The following CDK12 variants were observed in gnomAD, a reference collection of about 807,000 sequenced individuals.
CDK12 encodes the protein cyclin-dependent kinase 12.
A neutral mutation model predicts 133.8 loss-of-function variants in CDK12; 17 were observed. The observed-to-expected ratio is 0.13, with a 90% CI of 0.09 to 0.19. The LOEUF (loss-of-function observed/expected upper bound fraction) is 0.19, where lower values mean the gene tolerates loss of function less well. CDK12 is among the 10% of genes least tolerant of loss of function. CDK12 has a pLI of 1.00. For missense variants in CDK12, 1,508 were observed against 1,818.7 expected, an observed-to-expected ratio of 0.83 and a Z score of 3.11; for synonymous variants, 694 against 683.6, an observed-to-expected ratio of 1.02 and a Z score of -0.24.
intron 2 of CDK12, among the ~76,000 whole-genome samples, chr17:39,477,457 C>T (rs1284424385): frequency 5.3e-5 from 8 of 151,532 alleles, no homozygotes; most frequent in South Asian, 2.1e-4. Context: ...AGGCTGGTCT[C>T]GAACTCCTGA....
chr17:39,494,447 C>A, intron 4 of CDK12, 77 bp from the exon 5 acceptor site: 1 of 1,210,090 alleles, frequency 8.3e-7, no homozygotes, highest in Non-Finnish European at 1.2e-6. Context: ...TCTTCCAGAG[C>A]AAGGGCATAT....
intron 3 of CDK12, among the ~76,000 whole-genome samples, chr17:39,491,963 C>T (rs2051645666): frequency 6.9e-6 from 1 of 144,172 alleles, no homozygotes; most frequent in Admixed American, 7.1e-5. Context: ...CACATCTCTA[C>T]TGAAAATACA....
At chr17:39,521,782 A>G (rs2054187575) in intron 11 of CDK12, among the ~76,000 whole-genome samples, 1 of 151,730 alleles carries the variant, frequency 6.6e-6, no homozygotes, top group South Asian at 2.1e-4. Context: ...AGGTGGTCTC[A>G]AACTCCTGAC....
chr17:39,511,077 T>C (rs1331710008), intron 7 of CDK12, among the ~76,000 whole-genome samples: 1 of 150,210 alleles, frequency 6.7e-6, no homozygotes, highest in East Asian at 2.0e-4. Flanking sequence ...TAGTGGAGTG[T>C]GGTGGCGGGC....
At chr17:39,517,390 A>G in intron 9 of CDK12, 50 bp from the exon 10 acceptor site, 1 of 1,030,722 alleles carries the variant, frequency 9.7e-7, no homozygotes, top group Non-Finnish European at 1.5e-6. Flanking sequence ...TCCGGAATTC[A>G]TGATGTTGAC....
At chr17:39,544,910 G>A (rs528718120), upstream of CDK12, among the ~76,000 whole-genome samples, 1 of 152,104 alleles carries the variant, frequency 6.6e-6, no homozygotes, top group African/African-American at 2.4e-5. Flanking sequence ...GATTACAGGC[G>A]TGAGCCACCG....
At chr17:39,466,307 C>CAA (rs370044004) in intron 1 of CDK12, among the ~76,000 whole-genome samples, 8 of 94,516 alleles carry the variant, frequency 8.5e-5, no homozygotes, top group African/African-American at 1.5e-4. Context: ...GACTGCGTCT[C>CAA]AAAAAAAAAA....
chr17:39,529,089 G>A (rs996012542), intron 13 of CDK12, among the ~76,000 whole-genome samples: 2 of 152,132 alleles, frequency 1.3e-5, no homozygotes, highest in African/African-American at 4.8e-5. Context: ...TAACTTGGGT[G>A]GGTACTATAC....
At chr17:39,469,579 C>T (rs1280036426) in intron 1 of CDK12, among the ~76,000 whole-genome samples, 1 of 151,234 alleles carries the variant, frequency 6.6e-6, no homozygotes, top group African/African-American at 2.4e-5. Context: ...GTGAAGCATG[C>T]TTGTTGCTTT....
upstream of CDK12, among the ~76,000 whole-genome samples, chr17:39,548,126 T>G (rs1026628270): frequency 6.6e-6 from 1 of 152,120 alleles, no homozygotes; most frequent in African/African-American, 2.4e-5. Flanking sequence ...TTAAAACTCA[T>G]GCCCCTTAGC....
intron 7 of CDK12, among the ~76,000 whole-genome samples, chr17:39,510,025 C>A (rs574694161): frequency 2.0e-5 from 3 of 151,822 alleles, no homozygotes; most frequent in South Asian, 4.2e-4. Flanking sequence ...TAGTCTTGAA[C>A]TCCTGGGCTC....
At chr17:39,484,493 A>G (rs2050964554) in intron 2 of CDK12, among the ~76,000 whole-genome samples, 1 of 152,146 alleles carries the variant, frequency 6.6e-6, no homozygotes, top group African/African-American at 2.4e-5. Context: ...TCCTATGCTA[A>G]AGGTGATAAT....
In CDK12 at chr17:39,461,826, C is replaced by T. The variant is rs2048980224; in HGVS notation, c.-246C>T. On this transcript the variant is annotated 5_prime_UTR_variant, in exon 1 of 14. Coordinates refer to ENST00000447079, the MANE Select transcript of CDK12 (RefSeq NM_016507.4). ...AGAGGAAACAGACTTGAGCAGCTCC[C>T]CGTTGTCTCGCAACTCCACTGCCGA... 2 of 552,386 alleles carry T rather than the reference C, an allele frequency of 3.6e-6. 1 individual carries two copies. The highest frequency in any genetic ancestry group is 4.5e-5 in the South Asian group (2 of 44,010). The allele number at this position is 552,386 out of a possible 1,614,324, so 34.2% of individuals were successfully genotyped here. A position where few individuals can be genotyped will look rare whatever the true frequency, so the allele number is the denominator to read the frequency against.
chr17:39,522,236 C>T (rs1483174694), intron 11 of CDK12, among the ~76,000 whole-genome samples: 1 of 151,476 alleles, frequency 6.6e-6, no homozygotes, highest in Non-Finnish European at 1.5e-5. Flanking sequence ...TACAGGTATG[C>T]GCCCCCATGC....
intron 2 of CDK12, among the ~76,000 whole-genome samples, chr17:39,489,218 G>C (rs1598018321): frequency 6.6e-6 from 1 of 150,958 alleles, no homozygotes; most frequent in African/African-American, 2.4e-5. Context: ...GTAGCTGGGA[G>C]TACAGGTGCA....
intron 5 of CDK12, among the ~76,000 whole-genome samples, chr17:39,499,326 G>A (rs2052542986): frequency 6.7e-6 from 1 of 149,546 alleles, no homozygotes. Context: ...TCATGCCTCA[G>A]CCTCCCTGAG....
intron 1 of CDK12, among the ~76,000 whole-genome samples, chr17:39,469,021 G>T (rs983869729): frequency 4.6e-5 from 7 of 151,632 alleles, no homozygotes; most frequent in South Asian, 2.1e-4. Flanking sequence ...TAGATACAGG[G>T]TTTTACCATG....
chr17:39,485,123 TC>T, intron 2 of CDK12, among the ~76,000 whole-genome samples: 1 of 144,614 alleles, frequency 6.9e-6, no homozygotes, highest in Non-Finnish European at 1.5e-5. Flanking sequence ...TGAGCTGAGA[TC>T]GCGCCACTGC....
In CDK12 at chr17:39,471,276, A is replaced by G; in HGVS notation, c.1444A>G (p.Lys482Glu). ...VKNSSDTGKV[K>E]LDENSEKHLV... ...AAATTCTTCAGATACAGGGAAAGTA[A>G]AGTTGGATGAGAACTCCGAGAAGCA... Residue 482 changes from lysine (K) to glutamate (E), a missense_variant, in exon 2 of 14, where the codon AAG becomes GAG. Coordinates refer to ENST00000447079, the MANE Select transcript of CDK12 (RefSeq NM_016507.4). 1.2e-6 allele frequency: 2 copies of G among 1,612,834 alleles called. No individual in the cohort carries two copies. The highest frequency in any genetic ancestry group is 2.2e-5 in the South Asian group (2 of 90,872).
Sources: gnomAD v4.1 joint callset for allele counts (sites outside exome capture counted in the v4.1 genomes callset) on GRCh38, gnomAD v4.1.1 for gene constraint, MANE v1.5 for transcripts, NCBI Gene and HGNC (gene_info 2026-07-23, HGNC 2026-07-21) for gene names.